The following LRBA variants were observed in gnomAD, a reference collection of about 807,000 sequenced individuals.
The protein encoded by LRBA is lipopolysaccharide-responsive and beige-like anchor protein.
LRBA carries 176 observed loss-of-function variants against 330.0 expected under a neutral mutation model. The observed-to-expected ratio is 0.53, with a 90% CI of 0.47 to 0.60. The LOEUF is 0.60. Among genes scored for constraint, LRBA ranks in the 20% least tolerant of loss-of-function variants. LRBA has a pLI of 0.00. For synonymous variants in LRBA, 1,230 were observed against 1,193.0 expected (o/e 1.03, Z -0.64); for missense variants, 3,259 against 3,444.8 (o/e 0.95, Z 1.35).
intron 41 of LRBA, among the ~76,000 whole-genome samples, chr4:150,489,311 A>C (rs376529900): frequency 0.078 from 2,925 of 37,604 alleles, 365 homozygotes; most frequent in Non-Finnish European, 0.11. Flanking sequence ...ATTATATATA[A>C]GAATATATAA....
chr4:150,884,143 T>C (rs1728692932), intron 17 of LRBA, among the ~76,000 whole-genome samples: 1 of 152,160 alleles, frequency 6.6e-6, no homozygotes, highest in Non-Finnish European at 1.5e-5. Context: ...AGTAGCACTG[T>C]TGCTTTCAAA....
intron 36 of LRBA, among the ~76,000 whole-genome samples, chr4:150,707,207 T>C (rs2127019591): frequency 6.6e-6 from 1 of 151,768 alleles, no homozygotes; most frequent in East Asian, 1.9e-4. Flanking sequence ...TTTCACTGTG[T>C]GCTTTCTTAT....
intron 48 of LRBA, among the ~76,000 whole-genome samples, chr4:150,336,987 A>T (rs548120432): frequency 1.3e-5 from 2 of 152,322 alleles, no homozygotes; most frequent in Admixed American, 6.5e-5. Flanking sequence ...TGAGTAGATA[A>T]AGCAGCCTGC....
At chr4:150,466,897 A>G (rs990337551) in intron 44 of LRBA, among the ~76,000 whole-genome samples, 13 of 152,156 alleles carry the variant, frequency 8.5e-5, no homozygotes, top group African/African-American at 3.1e-4. Flanking sequence ...CAAATTCAGT[A>G]GCAATAAGCA....
intron 53 of LRBA, among the ~76,000 whole-genome samples, chr4:150,298,373 A>T (rs1239316553): frequency 6.6e-6 from 1 of 152,034 alleles, no homozygotes; most frequent in South Asian, 2.1e-4. Context: ...TAAATTCATT[A>T]AAAAAAATTT....
intron 40 of LRBA, among the ~76,000 whole-genome samples, chr4:150,522,722 T>C (rs533146421): frequency 1.3e-5 from 2 of 152,312 alleles, no homozygotes; most frequent in East Asian, 3.9e-4. Flanking sequence ...CTGGAGGACA[T>C]AAGTGATAAG....
intron 22 of LRBA, among the ~76,000 whole-genome samples, chr4:150,859,647 T>A (rs1751655114): frequency 6.6e-6 from 1 of 152,178 alleles, no homozygotes; most frequent in Admixed American, 6.5e-5. Flanking sequence ...AGGCATATAG[T>A]GACAAACAGC....
intron 37 of LRBA, among the ~76,000 whole-genome samples, chr4:150,640,725 A>G (rs1055915692): frequency 6.6e-6 from 1 of 152,146 alleles, no homozygotes; most frequent in East Asian, 1.9e-4. Context: ...CCTCCTATCT[A>G]GTCTCCATCA....
At chr4:150,857,513 A>G (rs539190131) in intron 22 of LRBA, among the ~76,000 whole-genome samples, 2 of 152,270 alleles carry the variant, frequency 1.3e-5, no homozygotes, top group South Asian at 2.1e-4. Flanking sequence ...TCTAGCGTAT[A>G]AACTGGTACA....
Position 150,928,952 on chromosome 4 carries a change from G to T in LRBA, c.330C>A (p.Val110=). Residue 110 remains valine, a synonymous_variant, in exon 3 of 57, where the codon GTC becomes GTA. Transcript: ENST00000651943. ...TCAGAATGGCTGTAAACATGCTCCAGACTTCTGCTTGGCACGTAATGTCAC... is the reference window on the plus strand; with the variant it reads ...TCAGAATGGCTGTAAACATGCTCCATACTTCTGCTTGGCACGTAATGTCAC... ...EKCDITCQAE[V]WSMFTAILKK... 6.2e-7 allele frequency: 1 copy of T among 1,613,768 alleles called. No homozygotes were observed. The highest frequency in any genetic ancestry group is 8.5e-7 in the Non-Finnish European group (1 of 1,179,906).
intron 40 of LRBA, among the ~76,000 whole-genome samples, chr4:150,507,834 C>A (rs928060809): frequency 1.3e-5 from 2 of 152,016 alleles, no homozygotes; most frequent in Non-Finnish European, 2.9e-5. Flanking sequence ...ACCCAAATGT[C>A]CAACAACGAC....
chr4:150,915,586 G>A, intron 8 of LRBA, 22 bp downstream of exon 8: 1 of 1,582,830 alleles, frequency 6.3e-7, no homozygotes, highest in Admixed American at 1.9e-5. Flanking sequence ...TTTTTTCATT[G>A]CAACATTTTG....
At chr4:150,267,131 G>A (rs1398973337) in intron 56 of LRBA, among the ~76,000 whole-genome samples, 2 of 152,116 alleles carry the variant, frequency 1.3e-5, no homozygotes, top group East Asian at 3.9e-4. Flanking sequence ...AATAATGGGT[G>A]GAACAACCAG....
intron 47 of LRBA, among the ~76,000 whole-genome samples, chr4:150,352,189 T>C (rs1411339660): frequency 1.3e-5 from 2 of 152,218 alleles, no homozygotes; most frequent in Non-Finnish European, 1.5e-5. Context: ...AAGAGATCTG[T>C]TGGTTTTAAA....
At chr4:150,337,039 C>T (rs1734844154) in intron 48 of LRBA, among the ~76,000 whole-genome samples, 1 of 152,048 alleles carries the variant, frequency 6.6e-6, no homozygotes, top group Non-Finnish European at 1.5e-5. Context: ...GTTGCCAATG[C>T]TAAGAAGCAA....
intron 28 of LRBA, among the ~76,000 whole-genome samples, chr4:150,839,100 A>G (rs564018986): frequency 4.6e-5 from 7 of 152,350 alleles, no homozygotes; most frequent in Admixed American, 3.9e-4. Context: ...CAATTCTCAA[A>G]AGAAGATATT....
At chr4:150,735,485 A>G in intron 35 of LRBA, 119 bp from the exon 36 acceptor site, 1 of 697,604 alleles carries the variant, frequency 1.4e-6, no homozygotes, top group South Asian at 1.8e-5. Context: ...ATCATACACA[A>G]TGAGGTACCA....
chr4:150,579,492 C>A, intron 40 of LRBA: 1 of 382,124 alleles, frequency 2.6e-6, no homozygotes, highest in Admixed American at 3.3e-5. Context: ...CTTTGTTTAA[C>A]TGATTTATTA....
chr4:151,004,543 A>C (rs1188780613), intron 2 of LRBA, among the ~76,000 whole-genome samples: 1 of 152,248 alleles, frequency 6.6e-6, no homozygotes, highest in Non-Finnish European at 1.5e-5. Flanking sequence ...TTTTACATTT[A>C]ATATTCTCAG....
Sources: allele counts gnomAD v4.1 joint callset (sites outside exome capture counted in the v4.1 genomes callset), GRCh38; gene constraint gnomAD v4.1.1; transcripts MANE v1.5; gene names NCBI Gene and HGNC (gene_info 2026-07-23, HGNC 2026-07-21).